GSE1: variants seen among roughly 807,000 people sequenced by gnomAD.
GSE1 encodes genetic suppressor element 1.
A neutral mutation model predicts 112.6 loss-of-function variants in GSE1; 32 were observed. The ratio of observed to expected loss-of-function variants is 0.28; its 90% CI spans 0.21 to 0.38. GSE1 has a LOEUF of 0.38. GSE1 is among the 10% of genes least tolerant of loss of function. The pLI, the probability that GSE1 is intolerant of heterozygous loss-of-function variation, is 1.00. For synonymous variants in GSE1, 1,115 were observed against 735.6 expected, an observed-to-expected ratio of 1.52 and a Z score of -8.35; for missense variants, 2,348 against 1,699.2, an observed-to-expected ratio of 1.38 and a Z score of -6.71.
intron 2 of GSE1, among the ~76,000 whole-genome samples, chr16:85,527,526 G>T (rs1041653398): frequency 6.6e-6 from 1 of 152,264 alleles, no homozygotes; most frequent in South Asian, 2.1e-4. Context: ...TGCCAAAAAG[G>T]CAGTTGCTCT....
intron 3 of GSE1, among the ~76,000 whole-genome samples, chr16:85,652,391 A>C (rs551595471): frequency 1.3e-5 from 2 of 152,308 alleles, no homozygotes; most frequent in African/African-American, 4.8e-5. Context: ...GGCCCCACGC[A>C]GGGCGTCAGT....
At chr16:85,403,809 C>A (rs1346931984) in intron 2 of GSE1, among the ~76,000 whole-genome samples, 2 of 152,098 alleles carry the variant, frequency 1.3e-5, no homozygotes, top group Admixed American at 6.5e-5. Context: ...CTCAAAACAA[C>A]AACAACAAAA....
chr16:85,662,873 C>A, intron 9 of GSE1, 108 bp from the exon 10 acceptor site: 1 of 755,494 alleles, frequency 1.3e-6, no homozygotes, highest in Non-Finnish European at 2.3e-6. Flanking sequence ...GTTCAGGTGC[C>A]AGCAGGCCTG....
intron 2 of GSE1, among the ~76,000 whole-genome samples, chr16:85,524,581 G>A (rs1348004983): frequency 2.0e-5 from 3 of 152,126 alleles, no homozygotes; most frequent in African/African-American, 7.2e-5. Flanking sequence ...GGGAGCCGAG[G>A]GGTGCTGAGG....
intron 2 of GSE1, among the ~76,000 whole-genome samples, chr16:85,365,727 A>G (rs2047172291): frequency 1.3e-5 from 2 of 152,248 alleles, no homozygotes; most frequent in African/African-American, 4.8e-5. Flanking sequence ...ATAGTAGCCT[A>G]CAGCGACTTC....
chr16:85,294,616 ACTCT>A (rs756560732), intron 1 of GSE1, among the ~76,000 whole-genome samples: 2,272 of 76,504 alleles, frequency 0.03, 49 homozygotes, highest in African/African-American at 0.074. Context: ...CACGCCTCTC[ACTCT>A]CTCTCTCTCT....
chr16:85,244,463 AAATT>A (rs894252722), intron 1 of GSE1, among the ~76,000 whole-genome samples: 5 of 152,210 alleles, frequency 3.3e-5, no homozygotes, highest in African/African-American at 1.2e-4. Context: ...ATGCATAAGA[AAATT>A]AATTTGTGTT....
chr16:85,641,815 CACTG>C (rs1368411053), intron 2 of GSE1, among the ~76,000 whole-genome samples: 1 of 152,256 alleles, frequency 6.6e-6, no homozygotes, highest in Non-Finnish European at 1.5e-5. Context: ...CTTCCCTACT[CACTG>C]GCTGGCGGCT....
At chr16:85,290,949 A>G (rs1275165166) in intron 1 of GSE1, among the ~76,000 whole-genome samples, 1 of 152,124 alleles carries the variant, frequency 6.6e-6, no homozygotes, top group East Asian at 1.9e-4. Context: ...AGCAGGGAGC[A>G]GGGAAGTGCC....
chr16:85,279,550 C>T (rs1267110977), intron 1 of GSE1, among the ~76,000 whole-genome samples: 4 of 152,248 alleles, frequency 2.6e-5, no homozygotes, highest in Admixed American at 6.5e-5. Context: ...GAGTCAAGAT[C>T]GCACCACTGC....
chr16:85,585,124 C>T (rs1328279601), intron 1 of GSE1, among the ~76,000 whole-genome samples: 1 of 152,248 alleles, frequency 6.6e-6, no homozygotes, highest in South Asian at 2.1e-4. Flanking sequence ...GCTGCTGAGC[C>T]GTTTGCCGCT....
intron 1 of GSE1, among the ~76,000 whole-genome samples, chr16:85,346,899 G>A (rs1295861876): frequency 1.3e-5 from 2 of 151,686 alleles, no homozygotes; most frequent in African/African-American, 4.8e-5. Context: ...GATGGATGGT[G>A]GACAGGTGAG....
intron 1 of GSE1, among the ~76,000 whole-genome samples, chr16:85,313,300 C>T (rs760984219): frequency 1.1e-4 from 17 of 152,116 alleles, no homozygotes; most frequent in Non-Finnish European, 2.1e-4. Context: ...CCTTGTCCTG[C>T]GTGTCTTCCT....
At chr16:85,487,651 C>A (rs2050884301) in intron 2 of GSE1, among the ~76,000 whole-genome samples, 1 of 152,152 alleles carries the variant, frequency 6.6e-6, no homozygotes, top group African/African-American at 2.4e-5. Flanking sequence ...ATGGGAATCA[C>A]CCCGCGATAC....
At position 85,666,169 on chromosome 16, in the gene GSE1, G is replaced by C. The variant is rs1038760726; in HGVS notation, c.2952G>C (p.Lys984Asn). 1 of 1,613,516 alleles carries C rather than the reference G, an allele frequency of 6.2e-7. No individual in the cohort carries two copies. Among genetic ancestry groups the C allele is most frequent in the Admixed American group, 1.7e-5 (1 of 60,030 alleles). ...ARLSEAPGGK[K>N]SLSMLHYIRG... ...TGAGCGAGGCCCCTGGAGGCAAAAA[G>C]AGTCTGAGCATGCTTCACTATATCC... Residue 984 changes from lysine (K) to asparagine (N), a missense_variant, in exon 13 of 16, where the codon AAG (lysine) becomes AAC (asparagine). By Grantham distance (94) the Lys-to-Asn change is moderately conservative. Transcript: ENST00000253458.
chr16:85,350,360 T>G (rs1979505), intron 1 of GSE1, among the ~76,000 whole-genome samples: 44,057 of 151,968 alleles, frequency 0.29, 6,724 homozygotes, highest in Non-Finnish European at 0.34. Context: ...AAGAGATGAT[T>G]CAGGCTGGTC....
At chr16:85,408,551 G>A (rs866484859) in intron 2 of GSE1, among the ~76,000 whole-genome samples, 1 of 31,106 alleles carries the variant, frequency 3.2e-5, no homozygotes, top group Non-Finnish European at 6.5e-5. Context: ...TACACTCAGG[G>A]CCCCCCGGAT....
intron 2 of GSE1, among the ~76,000 whole-genome samples, chr16:85,415,524 C>T (rs901622918): frequency 1.3e-5 from 2 of 152,204 alleles, no homozygotes; most frequent in Admixed American, 1.3e-4. Flanking sequence ...CTCTGCTCCC[C>T]GAAGGCAAGG....
chr16:85,407,292 A>G (rs561436704), intron 2 of GSE1, among the ~76,000 whole-genome samples: 10 of 7,812 alleles, frequency 1.3e-3, no homozygotes, highest in African/African-American at 2.0e-3. Flanking sequence ...CCTCACTGTT[A>G]CACTCAGGCC....
Sources: gnomAD v4.1 joint callset for allele counts (sites outside exome capture counted in the v4.1 genomes callset) on GRCh38, gnomAD v4.1.1 for gene constraint, MANE v1.5 for transcripts, NCBI Gene and HGNC (gene_info 2026-07-23, HGNC 2026-07-21) for gene names.